TLE2: variants seen among roughly 807,000 people sequenced by gnomAD.
The protein encoded by TLE2 is transducin-like enhancer protein 2.
A neutral mutation model predicts 97.2 loss-of-function variants in TLE2; 74 were observed. The observed-to-expected ratio is 0.76, with a 90% confidence interval of 0.63 to 0.92. The LOEUF (loss-of-function observed/expected upper bound fraction) is 0.92. Among genes scored for constraint, TLE2 ranks in the 40% least tolerant of loss-of-function variants. The pLI, the probability that TLE2 is intolerant of heterozygous loss-of-function variation, is 0.00. For missense variants in TLE2, 1,038 were observed against 1,008.7 expected (o/e 1.03, Z -0.39); for synonymous variants, 499 against 432.1 (o/e 1.15, Z -1.92).
intron 14 of TLE2, among the ~76,000 whole-genome samples, chr19:3,008,263 C>T (rs915149554): frequency 6.6e-6 from 1 of 152,066 alleles, no homozygotes; most frequent in Non-Finnish European, 1.5e-5. Context: ...GTGGAGCCAT[C>T]CTGGACAATG....
intron 1 of TLE2, among the ~76,000 whole-genome samples, chr19:3,037,066 C>T (rs529545001): frequency 6.6e-6 from 1 of 152,226 alleles, no homozygotes; most frequent in Non-Finnish European, 1.5e-5. Context: ...AGGCGGATCA[C>T]CTGAGGCCAG....
chr19:3,004,614 CAAAAA>C (rs61444494), intron 17 of TLE2, among the ~76,000 whole-genome samples: 2 of 88,904 alleles, frequency 2.2e-5, no homozygotes, highest in East Asian at 3.8e-4. Flanking sequence ...AACTCTGTCT[CAAAAA>C]AAAAAAAAAA....
chr19:3,024,475 C>T (rs2089905861), intron 5 of TLE2, among the ~76,000 whole-genome samples: 1 of 151,806 alleles, frequency 6.6e-6, no homozygotes, highest in Non-Finnish European at 1.5e-5. Flanking sequence ...ACCCCTGGCA[C>T]CCCCCATTCT....
intron 1 of TLE2, among the ~76,000 whole-genome samples, chr19:3,038,359 C>T (rs2090076311): frequency 1.3e-5 from 2 of 152,028 alleles, no homozygotes; most frequent in African/African-American, 4.8e-5. Context: ...CAGGTGTGTA[C>T]CACCACACTC....
chr19:3,003,730 G>T (rs535384786), intron 17 of TLE2, among the ~76,000 whole-genome samples: 150 of 140,030 alleles, frequency 1.1e-3, no homozygotes, highest in African/African-American at 3.8e-3. Flanking sequence ...AGACAGACAG[G>T]GTCTTGCTCT....
chr19:3,015,639 C>G lies in TLE2; in HGVS notation c.678+14G>C, dbSNP rs2089685626. On this transcript the variant is annotated intron_variant, in intron 9 of 19. Transcript: ENST00000262953. ...ATGCACGCCCATCCCAGTCCTGCAC[C>G]TGCCCCCACTCACATAAGGTCCTGA... is the stretch of plus-strand genomic sequence containing the variant. 2 of 1,593,268 alleles carry G rather than the reference C, an allele frequency of 1.3e-6. No individual in the cohort carries two copies. Among genetic ancestry groups the G allele is most frequent in the South Asian group, 2.3e-5 (2 of 88,238 alleles).
rs377543278 is a variant in TLE2 at position 3,006,663 on chromosome 19, G to A, written c.1257C>T (p.Tyr419=). 868 of 1,596,068 alleles carry A rather than the reference G, an allele frequency of 5.4e-4. 1 individual carries two copies. The highest frequency in any genetic ancestry group is 8.4e-4 in the Middle Eastern group (5 of 5,942). ...GCCCGTCCGCAGACACGTGGAAGGA[G>A]TAGGCCCTGGAGAGAAAGCCGGGGC... The part of the protein sequence containing the change: ...LPSIPGGKPA[Y]SFHVSADGQM... Residue 419 remains tyrosine, a synonymous_variant, in exon 15 of 20, where the codon TAC becomes TAT. Coordinates refer to ENST00000262953, the MANE Select transcript of TLE2 (RefSeq NM_003260.5).
chr19:3,009,796 T>C, intron 12 of TLE2, 94 bp from the exon 13 acceptor site: 6 of 1,461,076 alleles, frequency 4.1e-6, no homozygotes, highest in Non-Finnish European at 5.5e-6. Context: ...CATTTAGAGT[T>C]TCCATGTGCT....
At chr19:3,000,364 C>A (rs952129720) in intron 19 of TLE2, among the ~76,000 whole-genome samples, 1 of 151,988 alleles carries the variant, frequency 6.6e-6, no homozygotes, top group East Asian at 1.9e-4. Context: ...CATGAGCGAC[C>A]GTGCCCGGCT....
chr19:3,012,729 G>C (rs2089622390), intron 11 of TLE2, among the ~76,000 whole-genome samples: 1 of 152,216 alleles, frequency 6.6e-6, no homozygotes, highest in South Asian at 2.1e-4. Context: ...TCCATCTAGG[G>C]GCAGGCTCTG....
intron 1 of TLE2, among the ~76,000 whole-genome samples, chr19:3,039,998 T>C (rs1265105948): frequency 6.6e-6 from 1 of 152,214 alleles, no homozygotes; most frequent in Non-Finnish European, 1.5e-5. Flanking sequence ...CCGACCGTTA[T>C]TATTGTGTGG....
chr19:3,047,414 G>GGT, upstream of TLE2: 1 of 147,842 alleles, frequency 6.8e-6, no homozygotes, highest in Admixed American at 6.7e-5. Flanking sequence ...CCCTGCGGGG[G>GGT]CCTGGGAGAC....
chr19:3,028,996 G>A lies in TLE2; in HGVS notation c.-92C>T, dbSNP rs2145214729. 1.3e-6 allele frequency: 2 copies of A among 1,543,488 alleles called. No individual in the cohort carries two copies. The highest frequency in any genetic ancestry group is 1.4e-5 in the African/African-American group (1 of 72,566). ...GGAGGCTGAAGTGGGGTGGTGGGGA[G>A]GCTGCCCGAAGAAAGAGGGAGGAGG... On this transcript the variant is annotated 5_prime_UTR_variant, in exon 1 of 20. Transcript: ENST00000262953.
Position 3,008,913 on chromosome 19 carries a change from C to T in TLE2, c.1206G>A (p.Gly402=). Residue 402 remains glycine (G), a synonymous_variant, in exon 14 of 20, where the codon GGG becomes GGA. Coordinates refer to ENST00000262953, the MANE Select transcript of TLE2 (RefSeq NM_003260.5). The stretch of plus-strand genomic sequence containing the variant: ...TGGGTAGGGAGGAAGAGACGGATGA[C>T]CCTCGGAGATGGGGATGAGACTCAA... The part of the protein sequence containing the change: ...MAFESHPHLR[G]SSVSSSLPSI... 1.9e-6 allele frequency: 3 copies of T among 1,595,394 alleles called. No individual in the cohort carries two copies. Among genetic ancestry groups the T allele is most frequent in the Non-Finnish European group, 2.6e-6 (3 of 1,171,184 alleles).
At chr19:3,015,061 A>T (rs1454577947) in intron 9 of TLE2, among the ~76,000 whole-genome samples, 1 of 50,828 alleles carries the variant, frequency 2.0e-5, no homozygotes, top group Non-Finnish European at 5.5e-5. Flanking sequence ...TCATTGCCAA[A>T]AAAAAAAAAA....
At position 2,997,972 on chromosome 19, in the gene TLE2, G is replaced by T. The variant is rs201001610; in HGVS notation, c.2125-17C>A. ...CTCCTTGGACTGCCAAGGGAAGGGAGAGAGAAAAGGGCACAGTGAGGCATG... is the reference window on the plus strand; with the variant it reads ...CTCCTTGGACTGCCAAGGGAAGGGATAGAGAAAAGGGCACAGTGAGGCATG... On this transcript the variant is annotated splice_polypyrimidine_tract_variant and intron_variant, in intron 19 of 19. Transcript: ENST00000262953. 31 of 1,583,472 alleles carry T rather than the reference G, an allele frequency of 2.0e-5. No homozygotes were observed. The African/African-American group carries it at 3.4e-4, about 17-fold the overall frequency.
At chr19:3,003,342 A>G (rs894740076) in intron 17 of TLE2, among the ~76,000 whole-genome samples, 1 of 152,134 alleles carries the variant, frequency 6.6e-6, no homozygotes, top group South Asian at 2.1e-4. Context: ...CAAGACTATG[A>G]AAGACCAGGC....
intron 11 of TLE2, among the ~76,000 whole-genome samples, chr19:3,012,176 C>G (rs1317640034): frequency 6.6e-6 from 1 of 152,184 alleles, no homozygotes; most frequent in African/African-American, 2.4e-5. Flanking sequence ...TCTCTTGAAC[C>G]TGGGAGGCAG....
intron 1 of TLE2, among the ~76,000 whole-genome samples, chr19:3,035,827 C>G (rs1202916666): frequency 6.6e-6 from 1 of 152,166 alleles, no homozygotes; most frequent in Admixed American, 6.5e-5. Flanking sequence ...AGTGTGGCCC[C>G]CCTCCCTAGG....
Sources: gnomAD v4.1 joint callset for allele counts (sites outside exome capture counted in the v4.1 genomes callset) on GRCh38, gnomAD v4.1.1 for gene constraint, MANE v1.5 for transcripts, NCBI Gene and HGNC (gene_info 2026-07-23, HGNC 2026-07-21) for gene names.